Variants in CNOT1 observed in about 807,000 individuals in gnomAD.
CNOT1 encodes CCR4-associated factor 1.
Under a neutral mutation model 273.8 loss-of-function variants are expected in CNOT1, and 15 were observed. That is an observed-to-expected ratio of 0.05 (90% confidence interval 0.04 to 0.08). The LOEUF is 0.08. CNOT1 is among the 10% of genes least tolerant of loss of function. The pLI, the probability that CNOT1 is intolerant of heterozygous loss-of-function variation, is 1.00. For synonymous variants in CNOT1, 1,022 were observed against 1,005.5 expected, an observed-to-expected ratio of 1.02 and a Z score of -0.31; for missense variants, 1,644 against 2,912.2, an observed-to-expected ratio of 0.56 and a Z score of 10.02.
At chr16:58,625,059 G>A (rs1357157360) in intron 1 of CNOT1, among the ~76,000 whole-genome samples, 1 of 151,926 alleles carries the variant, frequency 6.6e-6, no homozygotes, top group African/African-American at 2.4e-5. Flanking sequence ...ACCAGCCTGG[G>A]AAACACAGTG....
Position 58,581,331 on chromosome 16 carries a change from T to A in CNOT1, c.1215+14A>T, listed in dbSNP as rs1470929866. On this transcript the variant is annotated intron_variant, in intron 11 of 48. Coordinates refer to ENST00000317147, the MANE Select transcript of CNOT1 (RefSeq NM_016284.5). ...TTTTATTCCCCCATCTATAGCTAAA[T>A]ACCACTTACTCACCTGGCCTTCAGC... 18 of 1,598,802 alleles carry A rather than the reference T, an allele frequency of 1.1e-5. No individual in the cohort carries two copies. Among genetic ancestry groups the A allele is most frequent in the Non-Finnish European group, 1.5e-5 (18 of 1,174,548 alleles).
chr16:58,585,245 A>C, intron 8 of CNOT1, 93 bp downstream of exon 8: 1 of 1,552,012 alleles, frequency 6.4e-7, no homozygotes, highest in Non-Finnish European at 8.7e-7. Context: ...AGAAAAGATG[A>C]TTAACTTTAA....
At chr16:58,605,119 G>A (rs1436495761) in intron 1 of CNOT1, among the ~76,000 whole-genome samples, 1 of 152,136 alleles carries the variant, frequency 6.6e-6, no homozygotes, top group African/African-American at 2.4e-5. Context: ...GTAGGCGACA[G>A]AGCAAGACTC....
intron 1 of CNOT1, among the ~76,000 whole-genome samples, chr16:58,617,378 A>G (rs1021743895): frequency 1.3e-5 from 2 of 149,900 alleles, no homozygotes; most frequent in African/African-American, 4.9e-5. Context: ...TTTTTAATTA[A>G]AAAAAAAAAT....
chr16:58,539,996 A>C (rs200632060), intron 34 of CNOT1, 37 bp from the exon 35 acceptor site: 1 of 1,574,908 alleles, frequency 6.3e-7, no homozygotes, highest in East Asian at 2.3e-5. Flanking sequence ...AAGAGACAAA[A>C]GAATGTTAAG....
rs763895037 is a variant in CNOT1 at position 58,537,031 on chromosome 16, A to G, written c.5604T>C (p.Ala1868=). Residue 1868 remains alanine (A), a synonymous_variant, in exon 39 of 49, where the codon GCT becomes GCC. Transcript: ENST00000317147. ...EWVNLYHSAA[A]GRDSTKAFSA... ...AGAAAGCTTTGGTACTGTCGCGGCC[A>G]GCTGCTGCTGAATGGTAGAGATTCA... 1 of 1,614,218 alleles carries G rather than the reference A, an allele frequency of 6.2e-7. No homozygotes were observed. Among genetic ancestry groups the G allele is most frequent in the South Asian group, 1.1e-5 (1 of 91,084 alleles).
At chr16:58,599,143 C>T in intron 2 of CNOT1, 93 bp downstream of exon 2, 1 of 1,534,768 alleles carries the variant, frequency 6.5e-7, no homozygotes, top group Non-Finnish European at 8.9e-7. Flanking sequence ...AGTTAGTTAC[C>T]TTTCATGCAA....
rs902013806 is a variant in CNOT1, at chr16:58,551,676, A to T, written c.3114T>A (p.Thr1038=). ...TGGTAGTTGTTGAGGTGGTTACCATAGTGCTAACTTGACCAGCAAGAGGAG... is the reference window on the plus strand; with the variant it reads ...TGGTAGTTGTTGAGGTGGTTACCATTGTGCTAACTTGACCAGCAAGAGGAG... ...AKAPLAGQVS[T]MVTTSTTTTV... is the part of the protein sequence containing the mutation. The change falls in exon 23 of 49, where the codon ACT becomes ACA. Residue 1038 remains threonine, a synonymous_variant. Transcript: ENST00000317147. 1.9e-6 allele frequency: 3 copies of T among 1,614,200 alleles called. No homozygotes were observed. The highest frequency in any genetic ancestry group is 1.7e-6 in the Non-Finnish European group (2 of 1,180,030).
At chr16:58,538,336 G>A in intron 36 of CNOT1, 70 bp from the exon 37 acceptor site, 2 of 774,602 alleles carry the variant, frequency 2.6e-6, no homozygotes, top group Admixed American at 1.9e-5. Context: ...TTTACTCAAT[G>A]GAAATTTGCT....
rs538547027 is a variant in CNOT1 at position 58,596,625 on chromosome 16, T to C, written c.102+2611A>G. Among the ~76,000 whole-genome samples the C allele has an allele frequency of 6.6e-4, 100 of 152,198 alleles. 2 individuals carry two copies. Among genetic ancestry groups the C allele is most frequent in the Admixed American group, 1.9e-3 (29 of 15,274 alleles). The stretch of plus-strand genomic sequence containing the variant: ...ATTTACCGCTGGGCACAGTGGCTCA[T>C]GCCTGTAATCCCAGCACTTTGGGAG... On this transcript the variant is annotated intron_variant, in intron 2 of 48. Coordinates refer to ENST00000317147, the MANE Select transcript of CNOT1 (RefSeq NM_016284.5).
chr16:58,599,225 A>G lies in CNOT1; in HGVS notation c.102+11T>C. 2 of 1,613,938 alleles carry G rather than the reference A, an allele frequency of 1.2e-6. No individual in the cohort carries two copies. The highest frequency in any genetic ancestry group is 1.7e-6 in the Non-Finnish European group (2 of 1,179,980). On this transcript the variant is annotated intron_variant, in intron 2 of 48. Coordinates refer to ENST00000317147, the MANE Select transcript of CNOT1 (RefSeq NM_016284.5). ...CTTTAATGGCACTTGTTTTCTGGCT[A>G]GTTTACTTACATGCTGTATTTCCTG...
At chr16:58,599,810 A>T (rs376837379) in intron 1 of CNOT1, among the ~76,000 whole-genome samples, 34 of 152,204 alleles carry the variant, frequency 2.2e-4, no homozygotes, top group African/African-American at 8.2e-4. Context: ...TCACACCTGT[A>T]ACCCCAGCAC....
chr16:58,551,857 T>C (rs1006454814), intron 22 of CNOT1, 38 bp from the exon 23 acceptor site: 3 of 1,608,812 alleles, frequency 1.9e-6, no homozygotes, highest in Non-Finnish European at 2.5e-6. Context: ...TTAACCTTAA[T>C]TGCTAAGTCT....
chr16:58,595,947 T>C (rs1278042390), intron 2 of CNOT1, among the ~76,000 whole-genome samples: 1 of 152,240 alleles, frequency 6.6e-6, no homozygotes, highest in African/African-American at 2.4e-5. Flanking sequence ...TAAAGGTTTT[T>C]CACCAGGGAA....
At chr16:58,601,319 T>C (rs943064525) in intron 1 of CNOT1, among the ~76,000 whole-genome samples, 1 of 152,118 alleles carries the variant, frequency 6.6e-6, no homozygotes, top group African/African-American at 2.4e-5. Flanking sequence ...GCTGGTCTCT[T>C]AACTCCTGAG....
At chr16:58,620,569 G>A (rs1311574908) in intron 1 of CNOT1, among the ~76,000 whole-genome samples, 2 of 149,820 alleles carry the variant, frequency 1.3e-5, no homozygotes, top group African/African-American at 2.4e-5. Context: ...GCTTGAACCC[G>A]GAAGGAGGTG....
At chr16:58,526,677 G>C (rs546684347) in intron 44 of CNOT1, among the ~76,000 whole-genome samples, 4 of 151,960 alleles carry the variant, frequency 2.6e-5, no homozygotes, top group Admixed American at 6.6e-5. Flanking sequence ...TATAAAATTA[G>C]CTGGGTGTGG....
At chr16:58,611,658 TA>T (rs1254872087) in intron 1 of CNOT1, among the ~76,000 whole-genome samples, 1 of 151,336 alleles carries the variant, frequency 6.6e-6, no homozygotes, top group Admixed American at 6.6e-5. Context: ...TTGTCTCTAC[TA>T]AAAATACAAA....
chr16:58,527,971 G>T, intron 44 of CNOT1: 1 of 331,074 alleles, frequency 3.0e-6, no homozygotes, highest in South Asian at 2.3e-5. Context: ...TAATTAGCCA[G>T]GTGTGGTGGC....
Sources: gnomAD v4.1 joint callset for allele counts (sites outside exome capture counted in the v4.1 genomes callset) on GRCh38, gnomAD v4.1.1 for gene constraint, MANE v1.5 for transcripts, NCBI Gene and HGNC (gene_info 2026-07-23, HGNC 2026-07-21) for gene names.